The following FHIP1A variants were observed in gnomAD, a reference collection of about 807,000 sequenced individuals.
FHIP1A encodes FHF complex subunit HOOK interacting protein 1A.
A neutral mutation model predicts 88.6 loss-of-function variants in FHIP1A; 61 were observed. That is an observed-to-expected ratio of 0.69 (90% confidence interval 0.56 to 0.85). FHIP1A has a LOEUF of 0.85. Ranked by LOEUF, FHIP1A falls within the 40% of genes least tolerant of loss-of-function variation. The pLI, the probability that FHIP1A is intolerant of heterozygous loss-of-function variation, is 0.00. For synonymous variants in FHIP1A, 478 were observed against 496.0 expected, an observed-to-expected ratio of 0.96 and a Z score of 0.48; for missense variants, 1,154 against 1,273.5, an observed-to-expected ratio of 0.91 and a Z score of 1.43.
chr4:151,632,613 A>G (rs374392463), intron 8 of FHIP1A, among the ~76,000 whole-genome samples: 16 of 152,228 alleles, frequency 1.1e-4, no homozygotes, highest in Admixed American at 8.5e-4. Flanking sequence ...CACATTTACA[A>G]AAATTGAAAG....
At chr4:151,455,443 T>G (rs1728933727) in intron 2 of FHIP1A, among the ~76,000 whole-genome samples, 2 of 152,226 alleles carry the variant, frequency 1.3e-5, no homozygotes, top group South Asian at 4.1e-4. Context: ...TCCTACTGTT[T>G]GCTGGTTTAA....
chr4:151,585,004 G>A (rs1472387326), intron 5 of FHIP1A, among the ~76,000 whole-genome samples: 1 of 152,036 alleles, frequency 6.6e-6, no homozygotes, highest in Admixed American at 6.6e-5. Context: ...TATGTATTCT[G>A]AGCATTTCTA....
At chr4:151,635,751 C>T (rs557062744) in intron 8 of FHIP1A, among the ~76,000 whole-genome samples, 20 of 151,686 alleles carry the variant, frequency 1.3e-4, no homozygotes, top group African/African-American at 3.9e-4. Flanking sequence ...GGGAGTTGTT[C>T]GGTGGTTACT....
At chr4:151,415,388 G>T (rs1463979536) in intron 1 of FHIP1A, among the ~76,000 whole-genome samples, 1 of 152,044 alleles carries the variant, frequency 6.6e-6, no homozygotes, top group African/African-American at 2.4e-5. Flanking sequence ...GGTTTGGCCA[G>T]GTTGGTCTCA....
chr4:151,580,103 A>C (rs945595819), intron 5 of FHIP1A, among the ~76,000 whole-genome samples: 6 of 152,034 alleles, frequency 3.9e-5, no homozygotes, highest in Admixed American at 2.6e-4. Flanking sequence ...TTTTCTCCCC[A>C]TTTGTAGAGT....
At chr4:151,476,287 G>C (rs1561512214) in intron 2 of FHIP1A, among the ~76,000 whole-genome samples, 2 of 151,110 alleles carry the variant, frequency 1.3e-5, no homozygotes, top group Non-Finnish European at 2.9e-5. Flanking sequence ...GATTACAGGT[G>C]TGCACCACCA....
At chr4:151,547,874 A>G (rs185192983) in intron 3 of FHIP1A, among the ~76,000 whole-genome samples, 109 of 151,774 alleles carry the variant, frequency 7.2e-4, no homozygotes, top group Middle Eastern at 3.4e-3. Flanking sequence ...AAATTGCACC[A>G]CTGCACTCCA....
At chr4:151,423,970 G>A (rs1733270418) in intron 1 of FHIP1A, among the ~76,000 whole-genome samples, 1 of 152,186 alleles carries the variant, frequency 6.6e-6, no homozygotes, top group Non-Finnish European at 1.5e-5. Context: ...ATAGAAGGGG[G>A]ATTTATTGGC....
intron 4 of FHIP1A, chr4:151,576,903 A>G (rs893376028): frequency 6.6e-6 from 1 of 152,658 alleles, no homozygotes; most frequent in Non-Finnish European, 1.5e-5. Context: ...GTAGGAGAAC[A>G]TGGGTAGTAT....
chr4:151,513,952 C>T (rs1383010176), intron 3 of FHIP1A, among the ~76,000 whole-genome samples: 1 of 150,246 alleles, frequency 6.7e-6, no homozygotes. Flanking sequence ...ACCAAGCGGA[C>T]CTAATAGACA....
In FHIP1A at chr4:151,662,486, T is replaced by C; in HGVS notation, c.2870-15T>C. On this transcript the variant is annotated splice_polypyrimidine_tract_variant and intron_variant, in intron 13 of 13. Coordinates refer to ENST00000435205, the MANE Select transcript of FHIP1A (RefSeq NM_001109977.3). Reference sequence around the variant, plus strand: ...CTATGGAGGGACACCATGATGGTTTTCTTTCTGCTTTCAGATCCCATTCAG... The same window carrying C: ...CTATGGAGGGACACCATGATGGTTTCCTTTCTGCTTTCAGATCCCATTCAG... The C allele has an allele frequency of 3.3e-6, 5 of 1,510,382 alleles. No individual in the cohort carries two copies. The highest frequency in any genetic ancestry group is 4.4e-6 in the Non-Finnish European group (5 of 1,123,824). 93.6% of individuals were successfully genotyped at this position (1,510,382 alleles called of 1,614,324 possible).
rs532748360 is a variant in FHIP1A, at chr4:151,666,941, G to C, written c.*4187G>C. Reference sequence around the variant, plus strand: ...CTTAATTTTAAATGGTCCCGGCGTGGTGTTCAGTATCTGCATATGCCCCAG... The same window carrying C: ...CTTAATTTTAAATGGTCCCGGCGTGCTGTTCAGTATCTGCATATGCCCCAG... On this transcript the variant is annotated 3_prime_UTR_variant, in exon 14 of 14. Coordinates refer to ENST00000435205, the MANE Select transcript of FHIP1A (RefSeq NM_001109977.3). Among the ~76,000 whole-genome samples, 11 of 152,280 alleles carry C rather than the reference G, an allele frequency of 7.2e-5. 1 individual carries two copies. Among genetic ancestry groups the C allele is most frequent in the African/African-American group, 1.9e-4 (8 of 41,558 alleles).
intron 1 of FHIP1A, among the ~76,000 whole-genome samples, chr4:151,433,837 C>T (rs1313641058): frequency 6.6e-6 from 1 of 152,120 alleles, no homozygotes; most frequent in Non-Finnish European, 1.5e-5. Context: ...TGAAAAATTG[C>T]ATGCCTGGGC....
At chr4:151,584,457 C>T (rs1287755736) in intron 5 of FHIP1A, among the ~76,000 whole-genome samples, 1 of 152,172 alleles carries the variant, frequency 6.6e-6, no homozygotes, top group Non-Finnish European at 1.5e-5. Context: ...CATACCTAGG[C>T]CCACACCTCC....
chr4:151,639,955 C>T (rs1736507652), intron 9 of FHIP1A, among the ~76,000 whole-genome samples: 1 of 152,134 alleles, frequency 6.6e-6, no homozygotes, highest in Admixed American at 6.5e-5. Context: ...GGGGTTTTGA[C>T]ATGATTTGAG....
intron 3 of FHIP1A, among the ~76,000 whole-genome samples, chr4:151,539,466 G>C (rs975755026): frequency 6.6e-5 from 10 of 151,614 alleles, no homozygotes; most frequent in African/African-American, 2.4e-4. Flanking sequence ...AGGAAGGCTG[G>C]GGCGGGAGAA....
chr4:151,492,681 A>C (rs1460079485), intron 3 of FHIP1A, among the ~76,000 whole-genome samples: 2 of 152,162 alleles, frequency 1.3e-5, no homozygotes, highest in Non-Finnish European at 2.9e-5. Context: ...TTCCAACAGG[A>C]ACCCTTAACA....
intron 7 of FHIP1A, among the ~76,000 whole-genome samples, chr4:151,627,035 A>G (rs779711849): frequency 3.3e-5 from 5 of 152,228 alleles, no homozygotes; most frequent in African/African-American, 9.6e-5. Context: ...TGGTATAAAA[A>G]GCTCCTGAAG....
At chr4:151,580,943 C>T (rs997326322) in intron 5 of FHIP1A, among the ~76,000 whole-genome samples, 5 of 152,086 alleles carry the variant, frequency 3.3e-5, no homozygotes, top group Admixed American at 1.3e-4. Context: ...CTGCAACCTC[C>T]GCCTCCCGGG....
Sources: gnomAD v4.1 joint callset for allele counts (sites outside exome capture counted in the v4.1 genomes callset) on GRCh38, gnomAD v4.1.1 for gene constraint, MANE v1.5 for transcripts, NCBI Gene and HGNC (gene_info 2026-07-23, HGNC 2026-07-21) for gene names.